The following NLGN1 variants were observed in gnomAD, a reference collection of about 807,000 sequenced individuals.
NLGN1 encodes neuroligin-1.
Under a neutral mutation model 65.5 loss-of-function variants are expected in NLGN1, and 12 were observed. That is an observed-to-expected ratio of 0.18 (90% CI 0.12 to 0.30). The LOEUF (loss-of-function observed/expected upper bound fraction) is 0.30. Ranked by LOEUF, NLGN1 falls within the 10% of genes least tolerant of loss-of-function variation. The pLI is 1.00. For synonymous variants in NLGN1, 350 were observed against 359.5 expected (o/e 0.97, Z 0.30); for missense variants, 750 against 1,007.1 (o/e 0.74, Z 3.46).
chr3:174,276,617 T>C (rs1274625168), intron 5 of NLGN1, among the ~76,000 whole-genome samples: 1 of 151,846 alleles, frequency 6.6e-6, no homozygotes, highest in Non-Finnish European at 1.5e-5. Context: ...CAAAAACACA[T>C]GAATGTTGAA....
chr3:173,736,999 T>C (rs1244508002), intron 3 of NLGN1, among the ~76,000 whole-genome samples: 2 of 152,062 alleles, frequency 1.3e-5, no homozygotes, highest in African/African-American at 4.8e-5. Context: ...TACTCTAAAA[T>C]GGCTGATAAT....
chr3:173,609,685 T>C (rs1368070398), intron 3 of NLGN1, among the ~76,000 whole-genome samples: 2 of 151,980 alleles, frequency 1.3e-5, no homozygotes, highest in African/African-American at 4.8e-5. Flanking sequence ...TTGCTCTAGG[T>C]ACAGAGTAAA....
chr3:173,758,680 C>T (rs1777494694), intron 3 of NLGN1, among the ~76,000 whole-genome samples: 1 of 151,924 alleles, frequency 6.6e-6, no homozygotes, highest in Non-Finnish European at 1.5e-5. Context: ...TTTACATCGC[C>T]AAAAATGCCC....
In NLGN1 at chr3:173,779,095, A is replaced by G. The variant is rs138741949; in HGVS notation, c.494-28585A>G. Among the ~76,000 whole-genome samples the G allele has an allele frequency of 8.3e-3, 1,253 of 151,848 alleles. 10 individuals are homozygous for G. Among genetic ancestry groups the G allele is most frequent in the Non-Finnish European group, 0.014 (932 of 67,720 alleles). ...GAGTTCATTGTGCTTAATGTATTTTATATACAAATCTGTAGAAATAAATAG... is the reference window on the plus strand; with the variant it reads ...GAGTTCATTGTGCTTAATGTATTTTGTATACAAATCTGTAGAAATAAATAG... On this transcript the variant is annotated intron_variant, in intron 3 of 6. Transcript: ENST00000457714.
intron 2 of NLGN1, among the ~76,000 whole-genome samples, chr3:173,490,934 A>G (rs1193879888): frequency 1.3e-5 from 2 of 151,950 alleles, no homozygotes; most frequent in East Asian, 1.9e-4. Context: ...TGATTTTTGC[A>G]CATTGATTTT....
chr3:174,260,123 T>G (rs1281420541), intron 4 of NLGN1, among the ~76,000 whole-genome samples: 2 of 151,894 alleles, frequency 1.3e-5, no homozygotes, highest in Non-Finnish European at 2.9e-5. Flanking sequence ...TTTGCTATTG[T>G]GAATAATGCC....
chr3:174,080,355 C>T (rs574749836), intron 4 of NLGN1, among the ~76,000 whole-genome samples: 1 of 152,212 alleles, frequency 6.6e-6, no homozygotes, highest in East Asian at 1.9e-4. Flanking sequence ...ACAAATTTTA[C>T]AGGAGTGAAA....
Position 173,502,754 on chromosome 3 carries a change from A to C in NLGN1, c.-321+67676A>C, listed in dbSNP as rs148973494. Among the ~76,000 whole-genome samples the C allele has an allele frequency of 3.4e-3, 517 of 152,180 alleles. 2 individuals carry two copies. Among genetic ancestry groups the C allele is most frequent in the African/African-American group, 0.011 (459 of 41,532 alleles). On this transcript the variant is annotated intron_variant, in intron 2 of 6. Transcript: ENST00000457714. ...AAATAGCAGACGGCACAAATCACTG[A>C]ATTTTAATCGACGTCCCCTCCCCTG...
intron 4 of NLGN1, among the ~76,000 whole-genome samples, chr3:174,232,403 G>C (rs1221033376): frequency 6.6e-6 from 1 of 152,150 alleles, no homozygotes; most frequent in Non-Finnish European, 1.5e-5. Flanking sequence ...GGTCACAGGG[G>C]ATATGATGGC....
chr3:173,568,904 T>C (rs1012502402), intron 2 of NLGN1, among the ~76,000 whole-genome samples: 4 of 152,144 alleles, frequency 2.6e-5, no homozygotes, highest in African/African-American at 9.7e-5. Flanking sequence ...GGTCTCGAAC[T>C]CCTGACCTTG....
chr3:174,286,138 A>G (rs1175219892), exon 7 of NLGN1: 1 of 151,396 alleles, frequency 6.6e-6, no homozygotes, highest in Non-Finnish European at 1.5e-5. Flanking sequence ...CTAGTCAGCT[A>G]TTACGTACAC....
At chr3:173,553,241 G>A (rs1470818556) in intron 2 of NLGN1, among the ~76,000 whole-genome samples, 1 of 152,106 alleles carries the variant, frequency 6.6e-6, no homozygotes, top group Non-Finnish European at 1.5e-5. Flanking sequence ...CTAATTGCCT[G>A]TGAATAGATG....
intron 4 of NLGN1, among the ~76,000 whole-genome samples, chr3:174,212,117 G>C (rs889181629): frequency 6.6e-6 from 1 of 152,202 alleles, no homozygotes; most frequent in Admixed American, 6.5e-5. Context: ...GCCCTGCCCC[G>C]CGGGAGGGCA....
At chr3:173,823,388 C>T (rs1720704695) in intron 4 of NLGN1, among the ~76,000 whole-genome samples, 1 of 151,880 alleles carries the variant, frequency 6.6e-6, no homozygotes. Context: ...ACTAATATAT[C>T]CAAAATATTA....
At chr3:174,049,021 A>C (rs933939939) in intron 4 of NLGN1, among the ~76,000 whole-genome samples, 1 of 152,072 alleles carries the variant, frequency 6.6e-6, no homozygotes, top group Non-Finnish European at 1.5e-5. Flanking sequence ...GATGGGTTAC[A>C]TTCAGCCAAC....
chr3:173,613,651 T>C (rs1368803841), intron 3 of NLGN1, among the ~76,000 whole-genome samples: 2 of 152,154 alleles, frequency 1.3e-5, no homozygotes, highest in Non-Finnish European at 2.9e-5. Context: ...TTCCATTTGT[T>C]ACTTTAGGGA....
At chr3:174,203,895 G>A (rs1734956164) in intron 4 of NLGN1, among the ~76,000 whole-genome samples, 1 of 151,740 alleles carries the variant, frequency 6.6e-6, no homozygotes, top group South Asian at 2.1e-4. Flanking sequence ...AAATTTCCTG[G>A]GTAGATATTA....
At chr3:174,050,204 A>G (rs538646411) in intron 4 of NLGN1, among the ~76,000 whole-genome samples, 4 of 152,234 alleles carry the variant, frequency 2.6e-5, no homozygotes, top group African/African-American at 9.6e-5. Context: ...GGAATTGTAC[A>G]GTTCAAGTGA....
intron 4 of NLGN1, among the ~76,000 whole-genome samples, chr3:173,849,498 C>CAT (rs10662545): frequency 0.84 from 127,901 of 151,946 alleles, 54,227 homozygotes; most frequent in African/African-American, 0.88. Context: ...GCAGAGGTCA[C>CAT]GTTACTAGAA....
Sources: gnomAD v4.1 joint callset for allele counts (sites outside exome capture counted in the v4.1 genomes callset) on GRCh38, gnomAD v4.1.1 for gene constraint, MANE v1.5 for transcripts, NCBI Gene and HGNC (gene_info 2026-07-23, HGNC 2026-07-21) for gene names.